Variants in RBFOX1 observed in about 807,000 individuals in gnomAD.
The protein encoded by RBFOX1 is RNA binding fox-1 homolog 1.
In RBFOX1, 8 loss-of-function variants were observed where a neutral mutation model predicts 57.7. The observed-to-expected ratio is 0.14, with a 90% CI of 0.08 to 0.25. RBFOX1 has a LOEUF of 0.25. RBFOX1 is among the 10% of genes least tolerant of loss of function. The pLI, the probability that RBFOX1 is intolerant of heterozygous loss-of-function variation, is 1.00. For missense variants in RBFOX1, 611 were observed against 548.5 expected (o/e 1.11, Z -1.14); for synonymous variants, 326 against 222.4 (o/e 1.47, Z -4.15).
intron 3 of RBFOX1, among the ~76,000 whole-genome samples, chr16:5,733,048 CAG>C (rs1441601000): frequency 2.0e-5 from 3 of 152,132 alleles, no homozygotes; most frequent in African/African-American, 7.2e-5. Flanking sequence ...TGTGCCTAAA[CAG>C]GGGGTACATC....
At chr16:7,681,206 T>C (rs977135831) in intron 14 of RBFOX1, among the ~76,000 whole-genome samples, 3 of 152,102 alleles carry the variant, frequency 2.0e-5, no homozygotes, top group Non-Finnish European at 4.4e-5. Flanking sequence ...ACATCCATGC[T>C]TACACATACA....
At chr16:6,723,671 C>T (rs1433627346) in intron 3 of RBFOX1, 1 of 152,004 alleles carries the variant, frequency 6.6e-6, no homozygotes, top group South Asian at 2.1e-4. Flanking sequence ...TTTTGAGGAG[C>T]AAATAGTCTG....
chr16:6,852,860 G>A (rs1226984027), intron 3 of RBFOX1, among the ~76,000 whole-genome samples: 1 of 152,026 alleles, frequency 6.6e-6, no homozygotes, highest in African/African-American at 2.4e-5. Flanking sequence ...GGGAACTGCT[G>A]TCCAGGTGAG....
chr16:7,599,060 C>T (rs901856993), intron 9 of RBFOX1, among the ~76,000 whole-genome samples: 1 of 152,210 alleles, frequency 6.6e-6, no homozygotes, highest in Non-Finnish European at 1.5e-5. Flanking sequence ...ATTACCTATT[C>T]TGCTATTTTT....
intron 3 of RBFOX1, among the ~76,000 whole-genome samples, chr16:5,703,030 G>T (rs552673728): frequency 2.2e-4 from 33 of 152,160 alleles, no homozygotes; most frequent in Non-Finnish European, 4.0e-4. Context: ...CTGGTAAATA[G>T]TTACTAAATA....
chr16:6,643,986 C>G (rs151141051), intron 2 of RBFOX1, among the ~76,000 whole-genome samples: 1 of 152,038 alleles, frequency 6.6e-6, no homozygotes, highest in African/African-American at 2.4e-5. Context: ...AATAGCCAGA[C>G]GTGGTAGCAT....
rs955458483 is a variant in RBFOX1, at chr16:5,517,164, A to T, written c.258+49910A>T. Among the ~76,000 whole-genome samples, 5 of 151,940 alleles carry T rather than the reference A, an allele frequency of 3.3e-5. No homozygotes were observed. The East Asian group carries it at 9.7e-4, about 29-fold the overall frequency. On this transcript the variant is annotated intron_variant, in intron 2 of 2. Transcript: ENST00000585867. ...GCTGCTGTGGTCACCAGGAGCAGAAACTCCATTAGGCTAGCTCAAGTCAAA... is the reference window on the plus strand; with the variant it reads ...GCTGCTGTGGTCACCAGGAGCAGAATCTCCATTAGGCTAGCTCAAGTCAAA...
At chr16:5,296,635 C>T (rs1231287558) in intron 1 of RBFOX1, among the ~76,000 whole-genome samples, 1 of 151,246 alleles carries the variant, frequency 6.6e-6, no homozygotes, top group Non-Finnish European at 1.5e-5. Context: ...TATTCTTTTC[C>T]CCTCCTGCTG....
intron 3 of RBFOX1, among the ~76,000 whole-genome samples, chr16:5,778,345 C>A (rs948658264): frequency 6.6e-6 from 1 of 152,176 alleles, no homozygotes; most frequent in East Asian, 1.9e-4. Context: ...TCTTGCAAGA[C>A]AGGACCCCCG....
intron 1 of RBFOX1, among the ~76,000 whole-genome samples, chr16:5,379,127 C>T (rs966362686): frequency 6.6e-6 from 1 of 151,580 alleles, no homozygotes; most frequent in Admixed American, 6.5e-5. Context: ...GCGTAAGAGA[C>T]GGACCTCATG....
At chr16:5,261,046 A>G (rs1363991200) in intron 1 of RBFOX1, 2 of 152,212 alleles carry the variant, frequency 1.3e-5, no homozygotes, top group African/African-American at 2.4e-5. Context: ...GTCATTCATC[A>G]TGGTGGCTGA....
chr16:5,531,303 A>C (rs1035689015), intron 2 of RBFOX1, among the ~76,000 whole-genome samples: 1 of 152,024 alleles, frequency 6.6e-6, no homozygotes, highest in Non-Finnish European at 1.5e-5. Context: ...AGACAGGGGT[A>C]CTTCACATTG....
Position 6,237,922 on chromosome 16 carries a change from C to A in RBFOX1, c.-126-79073C>A, listed in dbSNP as rs971286569. Among the ~76,000 whole-genome samples, 9 of 151,582 alleles carry A rather than the reference C, an allele frequency of 5.9e-5. No individual in the cohort carries two copies. The South Asian group carries it at 1.9e-3, about 32-fold the overall frequency. On this transcript the variant is annotated intron_variant, in intron 1 of 15. Transcript: ENST00000550418. Reference sequence around the variant, plus strand: ...TCCTGGTCAACATGTGAAACCCTGCCTCTACAAAAAGTACAAAAATTAGCC... The same window carrying A: ...TCCTGGTCAACATGTGAAACCCTGCATCTACAAAAAGTACAAAAATTAGCC...
At chr16:7,676,296 C>G (rs1032833771) in intron 13 of RBFOX1, among the ~76,000 whole-genome samples, 2 of 152,102 alleles carry the variant, frequency 1.3e-5, no homozygotes, top group South Asian at 2.1e-4. Flanking sequence ...TACTAATAAA[C>G]TTTCAATCAA....
intron 3 of RBFOX1, among the ~76,000 whole-genome samples, chr16:6,895,450 A>ATATATATATATATATG (rs1567761250): frequency 1.0e-4 from 4 of 39,424 alleles, no homozygotes; most frequent in African/African-American, 3.7e-4. Flanking sequence ...GTGTGTGTGT[A>ATATATATATATATATG]TATATATATA....
chr16:6,719,471 T>G (rs9673752), intron 3 of RBFOX1, among the ~76,000 whole-genome samples: 1 of 151,640 alleles, frequency 6.6e-6, no homozygotes, highest in Non-Finnish European at 1.5e-5. Flanking sequence ...GACAGAGTCT[T>G]GCTCTGTCAC....
intron 3 of RBFOX1, among the ~76,000 whole-genome samples, chr16:5,814,529 A>G (rs76042212): frequency 0.061 from 9,310 of 152,326 alleles, 320 homozygotes; most frequent in African/African-American, 0.095. Context: ...AGATGAGGAA[A>G]TTCAGGCTCA....
chr16:5,290,304 G>T (rs1596409309), intron 1 of RBFOX1, among the ~76,000 whole-genome samples: 1 of 152,326 alleles, frequency 6.6e-6, no homozygotes, highest in East Asian at 1.9e-4. Context: ...AGAGGTTGCA[G>T]TGAGCCGAGG....
chr16:6,702,369 C>G (rs1208730732), intron 3 of RBFOX1, among the ~76,000 whole-genome samples: 1 of 152,150 alleles, frequency 6.6e-6, no homozygotes, highest in Non-Finnish European at 1.5e-5. Context: ...GACTGGCCAA[C>G]ATGGTGAAAC....
Sources: gnomAD v4.1 joint callset for allele counts (sites outside exome capture counted in the v4.1 genomes callset) on GRCh38, gnomAD v4.1.1 for gene constraint, MANE v1.5 for transcripts, NCBI Gene and HGNC (gene_info 2026-07-23, HGNC 2026-07-21) for gene names.